The following ZDHHC8 variants were observed in gnomAD, a reference collection of about 807,000 sequenced individuals.
The protein encoded by ZDHHC8 is zDHHC palmitoyltransferase 8.
In ZDHHC8, 24 loss-of-function variants were observed where a neutral mutation model predicts 61.2. The observed-to-expected ratio is 0.39, with a 90% confidence interval of 0.28 to 0.55. The LOEUF (loss-of-function observed/expected upper bound fraction) is 0.55. ZDHHC8 is among the 20% of genes least tolerant of loss of function. The pLI is 0.60. For missense variants in ZDHHC8, 935 were observed against 1,102.1 expected (o/e 0.85, Z 2.15); for synonymous variants, 523 against 492.5 (o/e 1.06, Z -0.82).
In ZDHHC8 at chr22:20,143,382, C is replaced by T. The variant is rs372283487; in HGVS notation, c.1752C>T (p.Ser584=). ...GDSGVYDAPS[S]YSLQQASVLS... is the part of the protein sequence containing the mutation. ...CAGGCGTCTATGACGCTCCCAGCTC[C>T]TACAGCCTGCAGCAGGCCAGTGTGC... is the stretch of plus-strand genomic sequence containing the variant. Residue 584 remains serine, a synonymous_variant, in exon 10 of 11, where the codon TCC becomes TCT. Coordinates refer to ENST00000334554, the MANE Select transcript of ZDHHC8 (RefSeq NM_013373.4). 77 of 1,585,742 alleles carry T rather than the reference C, an allele frequency of 4.9e-5. No homozygotes were observed. Among genetic ancestry groups the T allele is most frequent in the Non-Finnish European group, 6.5e-5 (76 of 1,170,114 alleles).
rs2050521939 is a variant in ZDHHC8 at position 20,146,265 on chromosome 22, C to T, written c.*865C>T. 1.3e-5 allele frequency: 13 copies of T among 985,514 alleles called. No homozygotes were observed. In the Admixed American group the frequency reaches 1.8e-4, roughly 14 times the overall value. 61.0% of individuals were successfully genotyped at this position (985,514 alleles called of 1,614,324 possible). On this transcript the variant is annotated 3_prime_UTR_variant, in exon 11 of 11. Coordinates refer to ENST00000334554, the MANE Select transcript of ZDHHC8 (RefSeq NM_013373.4). Reference sequence around the variant, plus strand: ...GAGAACCCCACCCCAAGGCATGCCACGTCCGCAGCCCCGGCCTGGCTGCGG... The same window carrying T: ...GAGAACCCCACCCCAAGGCATGCCATGTCCGCAGCCCCGGCCTGGCTGCGG...
chr22:20,146,285 C>G lies in ZDHHC8; in HGVS notation c.*885C>G, dbSNP rs776529221. On this transcript the variant is annotated 3_prime_UTR_variant, in exon 11 of 11. Transcript: ENST00000334554. ...TGCCACGTCCGCAGCCCCGGCCTGG[C>G]TGCGGTGCTCGCGCCGTGGGAAAGC... 3 of 985,482 alleles carry G rather than the reference C, an allele frequency of 3.0e-6. No homozygotes were observed. Among genetic ancestry groups the G allele is most frequent in the Non-Finnish European group, 3.6e-6 (3 of 829,944 alleles). 61.0% of individuals were successfully genotyped at this position (985,482 alleles called of 1,614,324 possible). A position where few individuals can be genotyped will look rare whatever the true frequency, so the allele number is the denominator to read the frequency against.
chr22:20,146,372 C>T lies in ZDHHC8; in HGVS notation c.*972C>T, dbSNP rs1271657027. The T allele has an allele frequency of 7.1e-6, 7 of 985,462 alleles. No individual in the cohort carries two copies. Among genetic ancestry groups the T allele is most frequent in the African/African-American group, 1.7e-5 (1 of 57,218 alleles). 61.0% of individuals were successfully genotyped at this position (985,462 alleles called of 1,614,324 possible). On this transcript the variant is annotated 3_prime_UTR_variant, in exon 11 of 11. Coordinates refer to ENST00000334554, the MANE Select transcript of ZDHHC8 (RefSeq NM_013373.4). ...GGACCTGAGAGTAAGCACATGACAGCGTCTGCTTGCGTTGTGTCTGTTTTA... is the reference window on the plus strand; with the variant it reads ...GGACCTGAGAGTAAGCACATGACAGTGTCTGCTTGCGTTGTGTCTGTTTTA...
intron 10 of ZDHHC8, among the ~76,000 whole-genome samples, chr22:20,144,180 G>T (rs550937190): frequency 5.9e-5 from 9 of 152,248 alleles, no homozygotes; most frequent in African/African-American, 2.2e-4. Flanking sequence ...ATCTCTAGGA[G>T]GCTGGGGCTG....
rs569992984 is a variant in ZDHHC8 at position 20,137,324 on chromosome 22, C to G, written c.105-1870C>G. The stretch of plus-strand genomic sequence containing the variant: ...GCTCAAGTCAGCATGGGGTTCAGGC[C>G]CCGCCTGCCTGATGGGCGAACACAC... On this transcript the variant is annotated intron_variant, in intron 1 of 10. Transcript: ENST00000334554. Among the ~76,000 whole-genome samples, 8 of 152,354 alleles carry G rather than the reference C, an allele frequency of 5.3e-5. No individual in the cohort carries two copies. In the South Asian group the frequency reaches 1.4e-3, roughly 28 times the overall value.
intron 1 of ZDHHC8, among the ~76,000 whole-genome samples, chr22:20,134,605 G>A (rs175172): frequency 6.6e-6 from 1 of 152,248 alleles, no homozygotes; most frequent in Non-Finnish European, 1.5e-5. Flanking sequence ...CTCCTCGGAC[G>A]TTACCAGACA....
chr22:20,139,666 GC>G (rs1367458264), intron 3 of ZDHHC8, 31 bp downstream of exon 3: 4 of 1,611,086 alleles, frequency 2.5e-6, no homozygotes, highest in East Asian at 2.2e-5. Flanking sequence ...CGCTCCCCCA[GC>G]CCTGTGCCAC....
Position 20,147,624 on chromosome 22 carries a change from T to G in ZDHHC8, c.*2224T>G. On this transcript the variant is annotated 3_prime_UTR_variant, in exon 11 of 11. Transcript: ENST00000334554. ...GAAGGTCTCTGCACTCCTCCTGCCC[T>G]TCCCCTGACACATGAACAGATGCCT... 1.7e-5 allele frequency: 3 copies of G among 178,358 alleles called. No individual in the cohort carries two copies. The highest frequency in any genetic ancestry group is 1.2e-5 in the Non-Finnish European group (1 of 85,696). The allele number at this position is 178,358 out of a possible 1,614,324, so 11.0% of individuals were successfully genotyped here. A position where few individuals can be genotyped will look rare whatever the true frequency, so the allele number is the denominator to read the frequency against.
At position 20,145,707 on chromosome 22, in the gene ZDHHC8, G is replaced by A. The variant is rs1282511551; in HGVS notation, c.*307G>A. 6 of 1,035,218 alleles carry A rather than the reference G, an allele frequency of 5.8e-6. No homozygotes were observed. The highest frequency in any genetic ancestry group is 7.0e-6 in the Non-Finnish European group (6 of 862,246). 64.1% of individuals were successfully genotyped at this position (1,035,218 alleles called of 1,614,324 possible). ...AGCCTCTTTGGGGCACCCTCTCTCA[G>A]CCAGGCTTGGCCCACTGCCATCACC... On this transcript the variant is annotated 3_prime_UTR_variant, in exon 11 of 11. Coordinates refer to ENST00000334554, the MANE Select transcript of ZDHHC8 (RefSeq NM_013373.4).
chr22:20,139,155 C>T, intron 1 of ZDHHC8, 39 bp from the exon 2 acceptor site: 6 of 1,599,844 alleles, frequency 3.8e-6, no homozygotes, highest in Non-Finnish European at 5.1e-6. Flanking sequence ...CCGCTCTGCA[C>T]CCCCAGACTC....
chr22:20,139,339 T>A (rs1334508538), intron 2 of ZDHHC8, 24 bp downstream of exon 2: 23 of 1,610,584 alleles, frequency 1.4e-5, no homozygotes, highest in Non-Finnish European at 2.0e-5. Flanking sequence ...CTGCGGCAGC[T>A]CCTCTCACTT....
rs202237739 is a variant in ZDHHC8, at chr22:20,140,947, C to G, written c.829C>G (p.Arg277Gly). 37 of 1,609,888 alleles carry G rather than the reference C, an allele frequency of 2.3e-5. No homozygotes were observed. Among genetic ancestry groups the G allele is most frequent in the African/African-American group, 2.7e-5 (2 of 74,942 alleles). ...PPFLRPELLD[R>G]AAPLKVKLSD... ...TTTCCTTAGGCCTGAACTCCTGGAC[C>G]GAGCTGCACCGCTCAAGGTCAAGCT... is the stretch of plus-strand genomic sequence containing the variant. Residue 277 changes from arginine (R) to glycine (G), a missense_variant, in exon 7 of 11, where the codon CGA becomes GGA. By Grantham distance (125) the Arg-to-Gly change is moderately radical. Transcript: ENST00000334554.
Position 20,139,345 on chromosome 22 carries a change from C to G in ZDHHC8, c.226+30C>G, listed in dbSNP as rs2050446979. 5.0e-6 allele frequency: 8 copies of G among 1,610,058 alleles called. No homozygotes were observed. The East Asian group carries it at 1.8e-4, about 36-fold the overall frequency. On this transcript the variant is annotated intron_variant, in intron 2 of 10. Transcript: ENST00000334554. ...GGCCCTGTGCTGCGGCAGCTCCTCTCACTTTCACTAGAGTGTGAGTGGCTA... is the reference window on the plus strand; with the variant it reads ...GGCCCTGTGCTGCGGCAGCTCCTCTGACTTTCACTAGAGTGTGAGTGGCTA...
rs1196726247 is a variant in ZDHHC8, at chr22:20,131,858, G to A, written c.-90G>A. ...CCGCCGCCGCCGCGGGTCCTGCGCCGCGTCCAGCCCGCCCGCCCGACCCCG... is the reference window on the plus strand; with the variant it reads ...CCGCCGCCGCCGCGGGTCCTGCGCCACGTCCAGCCCGCCCGCCCGACCCCG... On this transcript the variant is annotated 5_prime_UTR_variant, in exon 1 of 11. Coordinates refer to ENST00000334554, the MANE Select transcript of ZDHHC8 (RefSeq NM_013373.4). The A allele has an allele frequency of 4.8e-5, 18 of 372,568 alleles. No homozygotes were observed. Among genetic ancestry groups the A allele is most frequent in the Admixed American group, 6.7e-5 (1 of 15,012 alleles). The allele number at this position is 372,568 out of a possible 1,614,324, so 23.1% of individuals were successfully genotyped here.
In ZDHHC8 at chr22:20,142,779, C is replaced by A; in HGVS notation, c.1149C>A (p.Thr383=). The change falls in exon 10 of 11, where the codon ACC becomes ACA. Residue 383 remains threonine, a synonymous_variant. Transcript: ENST00000334554. Reference sequence around the variant, plus strand: ...AGGTTCCAGGCCCTGATTCCCTGACCCTGGGGGACGACAGCATCCGTAGCC... The same window carrying A: ...AGGTTCCAGGCCCTGATTCCCTGACACTGGGGGACGACAGCATCCGTAGCC... ...GEQVPGPDSL[T]LGDDSIRSLD... 6.2e-7 allele frequency: 1 copy of A among 1,612,652 alleles called. No individual in the cohort carries two copies. The highest frequency in any genetic ancestry group is 8.5e-7 in the Non-Finnish European group (1 of 1,179,944).
intron 1 of ZDHHC8, among the ~76,000 whole-genome samples, chr22:20,135,528 C>G (rs561719206): frequency 6.6e-6 from 1 of 152,198 alleles, no homozygotes; most frequent in Non-Finnish European, 1.5e-5. Flanking sequence ...GTCCCTAGAT[C>G]GTCCTGAGCC....
At chr22:20,139,119 C>T (rs867536060) in intron 1 of ZDHHC8, 75 bp from the exon 2 acceptor site, 40 of 1,535,126 alleles carry the variant, frequency 2.6e-5, no homozygotes, top group Middle Eastern at 1.8e-4. Context: ...CCCAGCCTGC[C>T]GCACCACATA....
chr22:20,137,510 A>G (rs1348935800), intron 1 of ZDHHC8, among the ~76,000 whole-genome samples: 1 of 152,274 alleles, frequency 6.6e-6, no homozygotes, highest in Non-Finnish European at 1.5e-5. Flanking sequence ...TTCCCAGAGC[A>G]GGCCAGCCCC....
intron 4 of ZDHHC8, 60 bp from the exon 5 acceptor site, chr22:20,140,055 T>A: frequency 6.3e-7 from 1 of 1,599,840 alleles, no homozygotes; most frequent in Non-Finnish European, 8.6e-7. Context: ...GCACCTGCTC[T>A]GTGCTGCTGC....
Sources: gnomAD v4.1 joint callset for allele counts (sites outside exome capture counted in the v4.1 genomes callset) on GRCh38, gnomAD v4.1.1 for gene constraint, MANE v1.5 for transcripts, NCBI Gene and HGNC (gene_info 2026-07-23, HGNC 2026-07-21) for gene names.